The following SOS1 variants were observed in gnomAD, a reference collection of about 807,000 sequenced individuals.
SOS1 encodes son of sevenless homolog 1.
A neutral mutation model predicts 157.6 loss-of-function variants in SOS1; 25 were observed. The ratio of observed to expected loss-of-function variants is 0.16; its 90% CI spans 0.12 to 0.22. The LOEUF is 0.22. Among genes scored for constraint, SOS1 ranks in the 10% least tolerant of loss-of-function variants. The pLI is 1.00. For synonymous variants in SOS1, 528 were observed against 534.0 expected (o/e 0.99, Z 0.16); for missense variants, 1,237 against 1,599.1 (o/e 0.77, Z 3.86).
At chr2:39,088,329 T>A (rs570495540) in intron 1 of SOS1, among the ~76,000 whole-genome samples, 2 of 150,770 alleles carry the variant, frequency 1.3e-5, no homozygotes, top group South Asian at 4.2e-4. Context: ...TTTTTTCAAC[T>A]GTGGTAAAAT....
chr2:39,067,088 G>A (rs1395920005), intron 2 of SOS1, among the ~76,000 whole-genome samples: 6 of 152,104 alleles, frequency 3.9e-5, no homozygotes, highest in African/African-American at 1.2e-4. Context: ...AGGGCTCACC[G>A]TAGCTTCGAT....
intron 1 of SOS1, among the ~76,000 whole-genome samples, chr2:39,085,330 G>C (rs1450134603): frequency 6.6e-6 from 1 of 152,188 alleles, no homozygotes; most frequent in African/African-American, 2.4e-5. Context: ...TTCCAGGCAT[G>C]GGCCACCACA....
chr2:39,045,248 GA>G (rs1558486057), intron 6 of SOS1, among the ~76,000 whole-genome samples: 11 of 22,098 alleles, frequency 5.0e-4, no homozygotes, highest in African/African-American at 1.6e-3. Context: ...GAGAGGGAGA[GA>G]GAGAGAGAGA....
At chr2:39,098,481 A>C (rs1193289934) in intron 1 of SOS1, 1 of 153,680 alleles carries the variant, frequency 6.5e-6, no homozygotes, top group East Asian at 1.9e-4. Context: ...CTACTCTCCT[A>C]AATTAACTAT....
rs1158811958 is a variant in SOS1 at position 39,051,254 on chromosome 2, T to C, written c.754A>G (p.Ile252Val). 6.2e-7 allele frequency: 1 copy of C among 1,611,762 alleles called. No individual in the cohort carries two copies. The highest frequency in any genetic ancestry group is 8.5e-7 in the Non-Finnish European group (1 of 1,177,920). ...VENIFSRIVD[I>V]HELSVKLLGH... Reference sequence around the variant, plus strand: ...AGTAACTTTACACTAAGTTCATGTATATCTACTATGCGACTAAATATATTT... The same window carrying C: ...AGTAACTTTACACTAAGTTCATGTACATCTACTATGCGACTAAATATATTT... The change falls in exon 6 of 23, where the codon ATA becomes GTA. Residue 252 changes from isoleucine (I) to valine (V), a missense_variant. By Grantham distance (29) the Ile-to-Val change is conservative (BLOSUM62 3). Coordinates refer to ENST00000402219, the MANE Select transcript of SOS1 (RefSeq NM_005633.4).
chr2:39,086,076 G>C (rs1672356753), intron 1 of SOS1, among the ~76,000 whole-genome samples: 1 of 152,064 alleles, frequency 6.6e-6, no homozygotes, highest in Non-Finnish European at 1.5e-5. Flanking sequence ...CCAATATATT[G>C]CCAATCTTTA....
At chr2:38,998,609 A>T (rs1435603317) in intron 17 of SOS1, among the ~76,000 whole-genome samples, 1 of 152,108 alleles carries the variant, frequency 6.6e-6, no homozygotes, top group Non-Finnish European at 1.5e-5. Context: ...AGTTTTTCTC[A>T]TCTGTAAAAT....
At chr2:39,071,745 T>C (rs757111563) in intron 1 of SOS1, among the ~76,000 whole-genome samples, 2 of 152,226 alleles carry the variant, frequency 1.3e-5, no homozygotes, top group Non-Finnish European at 2.9e-5. Context: ...ATGTATATAA[T>C]TCTTCACTAA....
intron 15 of SOS1, among the ~76,000 whole-genome samples, chr2:39,007,945 A>T (rs1572817261): frequency 6.6e-6 from 1 of 152,178 alleles, no homozygotes; most frequent in African/African-American, 2.4e-5. Context: ...GAGGGGAGAG[A>T]GTCTGTGGTA....
chr2:39,115,090 G>T (rs973554656), intron 1 of SOS1, among the ~76,000 whole-genome samples: 1 of 151,856 alleles, frequency 6.6e-6, no homozygotes, highest in Non-Finnish European at 1.5e-5. Context: ...CATTTTCAGC[G>T]TGTGGTCTCA....
chr2:39,104,509 GAATGTAAAATATT>G (rs1402073130), intron 1 of SOS1, among the ~76,000 whole-genome samples: 3 of 152,138 alleles, frequency 2.0e-5, no homozygotes, highest in Non-Finnish European at 4.4e-5. Context: ...TTGCTGGTAG[GAATGTAAAATATT>G]GCAGGTTCTG....
At chr2:38,992,935 A>T (rs1238562369) in intron 20 of SOS1, 3 of 152,052 alleles carry the variant, frequency 2.0e-5, no homozygotes, top group South Asian at 4.1e-4. Flanking sequence ...ACAGCTTACT[A>T]TGTGTATCAC....
intron 8 of SOS1, chr2:39,034,951 AC>A: frequency 1.9e-6 from 1 of 529,830 alleles, no homozygotes. Context: ...AATTGCTTTA[AC>A]ATTCACTAAA....
chr2:39,079,102 C>T (rs1672116480), intron 1 of SOS1, among the ~76,000 whole-genome samples: 1 of 1,902 alleles, frequency 5.3e-4, no homozygotes, highest in African/African-American at 4.4e-3. Flanking sequence ...AGGACTGCTA[C>T]ATTATAGAAC....
At chr2:39,069,295 G>A (rs1382420342) in intron 1 of SOS1, among the ~76,000 whole-genome samples, 6 of 144,508 alleles carry the variant, frequency 4.2e-5, no homozygotes, top group Admixed American at 7.2e-5. Flanking sequence ...TGGAAGGATC[G>A]CTTAAACCCA....
intron 2 of SOS1, among the ~76,000 whole-genome samples, chr2:39,064,975 C>T (rs1294743272): frequency 6.6e-6 from 1 of 150,708 alleles, no homozygotes; most frequent in African/African-American, 2.4e-5. Flanking sequence ...CCAGGCTGTT[C>T]TCAAACTCCC....
chr2:39,114,300 T>C (rs1243279144), intron 1 of SOS1, among the ~76,000 whole-genome samples: 1 of 148,012 alleles, frequency 6.8e-6, no homozygotes, highest in Non-Finnish European at 1.5e-5. Context: ...GTTCTTTTCT[T>C]TTTTTTTTTT....
chr2:39,084,014 A>T (rs1296787802), intron 1 of SOS1, among the ~76,000 whole-genome samples: 2 of 152,164 alleles, frequency 1.3e-5, no homozygotes, highest in Non-Finnish European at 2.9e-5. Flanking sequence ...CCTTAATAAG[A>T]GGAGAAAATT....
chr2:39,035,597 G>T (rs2124563103), intron 6 of SOS1, 97 bp from the exon 7 acceptor site: 1 of 825,998 alleles, frequency 1.2e-6, no homozygotes, highest in Non-Finnish European at 2.0e-6. Flanking sequence ...AATTATGTAT[G>T]TCTTTGAAAG....
Sources: allele counts gnomAD v4.1 joint callset (sites outside exome capture counted in the v4.1 genomes callset), GRCh38; gene constraint gnomAD v4.1.1; transcripts MANE v1.5; gene names NCBI Gene and HGNC (gene_info 2026-07-23, HGNC 2026-07-21).